Variants in CUX1 observed in about 807,000 individuals in gnomAD.
CUX1 encodes the protein cut like homeobox 1, also known as protein CASP.
Under a neutral mutation model 158.8 loss-of-function variants are expected in CUX1, and 31 were observed. The ratio of observed to expected loss-of-function variants is 0.20; its 90% CI spans 0.15 to 0.26. The LOEUF (loss-of-function observed/expected upper bound fraction) is 0.26. CUX1 is among the 10% of genes least tolerant of loss of function. The pLI is 1.00. For synonymous variants in CUX1, 879 were observed against 862.1 expected (o/e 1.02, Z -0.34); for missense variants, 1,589 against 2,014.6 (o/e 0.79, Z 4.04).
At chr7:101,823,937 G>A (rs1257437978) in intron 1 of CUX1, among the ~76,000 whole-genome samples, 5 of 152,038 alleles carry the variant, frequency 3.3e-5, no homozygotes, top group South Asian at 2.1e-4. Flanking sequence ...AAACCAAACC[G>A]AAAAACAAAA....
At chr7:101,948,768 G>A (rs1197369648) in intron 2 of CUX1, among the ~76,000 whole-genome samples, 1 of 152,200 alleles carries the variant, frequency 6.6e-6, no homozygotes, top group East Asian at 1.9e-4. Context: ...GTTTTCCAGA[G>A]TCCTGTCCCT....
At chr7:102,128,076 G>T (rs958730395) in intron 8 of CUX1, among the ~76,000 whole-genome samples, 5 of 152,192 alleles carry the variant, frequency 3.3e-5, no homozygotes, top group African/African-American at 1.2e-4. Flanking sequence ...GACCTCAGGT[G>T]ATCGGCCCAC....
intron 1 of CUX1, among the ~76,000 whole-genome samples, chr7:101,913,797 C>T (rs1349788833): frequency 6.6e-6 from 1 of 152,182 alleles, no homozygotes; most frequent in East Asian, 1.9e-4. Flanking sequence ...TGTTTTTCTC[C>T]TAAGTTTTCT....
intron 8 of CUX1, among the ~76,000 whole-genome samples, chr7:102,123,413 T>C (rs1832271076): frequency 6.6e-6 from 1 of 151,670 alleles, no homozygotes; most frequent in South Asian, 2.1e-4. Context: ...ATTGAGACCA[T>C]CCTGGCTAAC....
At chr7:102,200,939 C>A (rs1795352033) in intron 17 of CUX1, among the ~76,000 whole-genome samples, 1 of 140,990 alleles carries the variant, frequency 7.1e-6, no homozygotes, top group South Asian at 2.4e-4. Context: ...GGGAGGATTG[C>A]TTGAGCCAGG....
chr7:101,924,767 G>T (rs1033379312), intron 2 of CUX1, among the ~76,000 whole-genome samples: 2 of 149,488 alleles, frequency 1.3e-5, no homozygotes, highest in Non-Finnish European at 3.0e-5. Context: ...AGAGATGGGG[G>T]TCTCACTTTG....
intron 1 of CUX1, among the ~76,000 whole-genome samples, chr7:101,832,250 C>T (rs149773596): frequency 1.2e-3 from 181 of 152,268 alleles, no homozygotes; most frequent in Non-Finnish European, 1.9e-3. Flanking sequence ...GCATTTCAGG[C>T]AGGGACCACT....
At position 101,869,795 on chromosome 7, in the gene CUX1, T is replaced by G. The variant is rs1245763309; in HGVS notation, c.31-46320T>G. Among the ~76,000 whole-genome samples, 1 of 152,148 alleles carries G rather than the reference T, an allele frequency of 6.6e-6. No individual in the cohort carries two copies. Among genetic ancestry groups the G allele is most frequent in the East Asian group, 1.9e-4 (1 of 5,200 alleles). ...GCCAGGCTCTGGCATTTCCCAGGAA[T>G]GTAAACCCCGGTTTCAGCTTTCCCC... On this transcript the variant is annotated intron_variant, in intron 1 of 23. Transcript: ENST00000292535. The surrounding 1 kb of genome is among the most constrained non-coding windows in gnomAD (Gnocchi z 4.5).
chr7:102,115,100 C>A, intron 7 of CUX1, 107 bp from the exon 8 acceptor site: 1 of 937,090 alleles, frequency 1.1e-6, no homozygotes. Context: ...TTCCACGCAC[C>A]TCGCTCCTCA....
intron 2 of CUX1, among the ~76,000 whole-genome samples, chr7:101,925,887 G>GCACTCC (rs1805527808): frequency 2.6e-5 from 4 of 152,166 alleles, no homozygotes; most frequent in Admixed American, 2.6e-4. Context: ...AGTGAGCCAT[G>GCACTCC]ATTGCACCAC....
intron 2 of CUX1, among the ~76,000 whole-genome samples, chr7:102,006,673 G>A (rs562405194): frequency 1.3e-5 from 2 of 152,302 alleles, no homozygotes; most frequent in South Asian, 4.1e-4. Flanking sequence ...GTGAGCCACC[G>A]TGCCCGGCCC....
chr7:101,865,344 TG>T (rs1584806988), intron 1 of CUX1, among the ~76,000 whole-genome samples: 1 of 152,362 alleles, frequency 6.6e-6, no homozygotes, highest in East Asian at 1.9e-4. Context: ...GCAGTGGATG[TG>T]TGTGCACATG....
At chr7:102,005,675 C>G (rs1288458182) in intron 2 of CUX1, among the ~76,000 whole-genome samples, 1 of 152,076 alleles carries the variant, frequency 6.6e-6, no homozygotes, top group Non-Finnish European at 1.5e-5. Context: ...TGCGTGATTC[C>G]CAAAGCTTCA....
At chr7:102,042,254 G>A (rs1381515315) in intron 3 of CUX1, among the ~76,000 whole-genome samples, 4 of 152,190 alleles carry the variant, frequency 2.6e-5, no homozygotes, top group African/African-American at 9.6e-5. Flanking sequence ...CAGAAATACA[G>A]CTCCCCAGGC....
chr7:101,992,247 C>G (rs534786367), intron 2 of CUX1, among the ~76,000 whole-genome samples: 1 of 152,266 alleles, frequency 6.6e-6, no homozygotes, highest in South Asian at 2.1e-4. Context: ...GGGGGGCAAC[C>G]TAAAACCCAC....
At chr7:102,014,386 T>C (rs939336237) in intron 2 of CUX1, among the ~76,000 whole-genome samples, 7 of 152,206 alleles carry the variant, frequency 4.6e-5, no homozygotes, top group Admixed American at 2.6e-4. Context: ...AAGTTGGGCA[T>C]AGAGATCAAT....
At chr7:102,186,259 T>C (rs138891694) in intron 11 of CUX1, among the ~76,000 whole-genome samples, 1 of 152,312 alleles carries the variant, frequency 6.6e-6, no homozygotes, top group Non-Finnish European at 1.5e-5. Flanking sequence ...GAGACATCCA[T>C]GGGACCAGGT....
intron 2 of CUX1, among the ~76,000 whole-genome samples, chr7:101,930,871 C>T (rs1372607743): frequency 3.3e-5 from 5 of 152,114 alleles, no homozygotes; most frequent in Non-Finnish European, 5.9e-5. Context: ...CTGAGGCGGA[C>T]GGGTCACTTG....
chr7:101,884,349 T>C (rs1215657883), intron 1 of CUX1, among the ~76,000 whole-genome samples: 1 of 152,228 alleles, frequency 6.6e-6, no homozygotes, highest in Non-Finnish European at 1.5e-5. Flanking sequence ...TTCTCAGAAA[T>C]TTCTGATTCC....
Sources: gnomAD v4.1 joint callset for allele counts (sites outside exome capture counted in the v4.1 genomes callset) on GRCh38, gnomAD v4.1.1 for gene constraint, Gnocchi (gnomAD v3.1) non-coding constraint, MANE v1.5 for transcripts, NCBI Gene and HGNC (gene_info 2026-07-23, HGNC 2026-07-21) for gene names.